The following ABCA13 variants were observed in gnomAD, a reference collection of about 807,000 sequenced individuals.
ABCA13 encodes ATP binding cassette subfamily A member 13.
ABCA13 carries 476 observed loss-of-function variants against 478.7 expected under a neutral mutation model. That is an observed-to-expected ratio of 0.99 (90% confidence interval 0.92 to 1.07). The LOEUF is 1.07. Among genes scored for constraint, ABCA13 ranks in the 50% least tolerant of loss-of-function variants. The probability of loss-of-function intolerance (pLI) is 0.00; values close to 1 mark genes in which losing one functional copy is unlikely to be tolerated. For missense variants in ABCA13, 6,060 were observed against 5,910.6 expected (o/e 1.03, Z -0.83); for synonymous variants, 2,252 against 2,158.9 (o/e 1.04, Z -1.20).
chr7:48,636,806 T>C (rs1794675677), intron 59 of ABCA13, among the ~76,000 whole-genome samples: 1 of 152,182 alleles, frequency 6.6e-6, no homozygotes, highest in Admixed American at 6.5e-5. Flanking sequence ...GCCAGGGTGC[T>C]GTCATTACTC....
intron 45 of ABCA13, among the ~76,000 whole-genome samples, chr7:48,478,411 C>T (rs1828386381): frequency 6.6e-6 from 1 of 151,532 alleles, no homozygotes; most frequent in African/African-American, 2.4e-5. Flanking sequence ...GCCCTTCATC[C>T]TCTGTAAGTT....
chr7:48,389,295 G>A, intron 37 of ABCA13, 75 bp downstream of exon 37: 1 of 1,478,420 alleles, frequency 6.8e-7, no homozygotes, highest in African/African-American at 1.4e-5. Context: ...GAGACAGAAG[G>A]TTTGATTTCT....
chr7:48,562,770 T>C (rs2131272389), intron 55 of ABCA13, among the ~76,000 whole-genome samples: 1 of 152,270 alleles, frequency 6.6e-6, no homozygotes, highest in African/African-American at 2.4e-5. Context: ...ATCCTGAAAC[T>C]GAAAGGCATA....
At chr7:48,338,482 GTTC>G in intron 29 of ABCA13, 27 bp downstream of exon 29, 2 of 1,548,364 alleles carry the variant, frequency 1.3e-6, no homozygotes, top group Admixed American at 1.9e-5. Context: ...GCATGGTAGT[GTTC>G]TTCTGCCCAT....
chr7:48,288,468 C>G (rs766903650), intron 20 of ABCA13, among the ~76,000 whole-genome samples: 3 of 152,194 alleles, frequency 2.0e-5, no homozygotes, highest in Non-Finnish European at 4.4e-5. Context: ...ACTGTTATCT[C>G]TCTTCCTGAG....
At chr7:48,406,435 T>C (rs890826600) in intron 39 of ABCA13, among the ~76,000 whole-genome samples, 41 of 152,198 alleles carry the variant, frequency 2.7e-4, no homozygotes, top group African/African-American at 9.9e-4. Context: ...GTATATACCA[T>C]GTGTGCGCTC....
chr7:48,210,184 C>T (rs1477141271), intron 3 of ABCA13, among the ~76,000 whole-genome samples: 1 of 152,110 alleles, frequency 6.6e-6, no homozygotes, highest in Admixed American at 6.5e-5. Context: ...GAAGGGGAAG[C>T]AAACATGTTC....
At position 48,387,921 on chromosome 7, in the gene ABCA13, C is replaced by G; in HGVS notation, c.11435C>G (p.Ser3812Cys). 5 of 1,611,324 alleles carry G rather than the reference C, an allele frequency of 3.1e-6. No individual in the cohort carries two copies. The highest frequency in any genetic ancestry group is 4.2e-6 in the Non-Finnish European group (5 of 1,178,686). The change falls in exon 36 of 62, where the codon TCT becomes TGT. Residue 3812 changes from serine (S) to cysteine (C), a missense_variant. Around this residue, in one of 3 missense-constraint regions of ABCA13, gnomAD observed 1,627 missense variants for 1,571.0 expected, o/e 1.04. Coordinates refer to ENST00000435803, the MANE Select transcript of ABCA13 (RefSeq NM_152701.5). ...GAGAAAAGGCAATACTTTCTAAGTT[C>G]TAGTCTGTTCTTCTTCAATGAGAAC... The part of the protein sequence containing the change: ...LVEKRQYFLS[S>C]SLFFFNENFD...
chr7:48,520,767 T>G (rs1832491221), intron 53 of ABCA13, among the ~76,000 whole-genome samples: 1 of 152,234 alleles, frequency 6.6e-6, no homozygotes, highest in Non-Finnish European at 1.5e-5. Context: ...GTGTTCTCAT[T>G]GTTCAATTCC....
intron 58 of ABCA13, among the ~76,000 whole-genome samples, chr7:48,599,334 TG>T (rs1196175677): frequency 1.3e-5 from 2 of 152,054 alleles, no homozygotes; most frequent in Non-Finnish European, 2.9e-5. Flanking sequence ...ATTTTAAATT[TG>T]TTATGACTTT....
rs1232842828 is a variant in ABCA13, at chr7:48,278,313, T to G, written c.7119T>G (p.Thr2373=). The part of the protein sequence containing the change: ...QDLFNALLRE[T]SMKNKTENNI... ...TATTTAATGCCCTTCTCAGGGAAAC[T>G]TCAATGAAAAATAAGACTGAAAATA... Residue 2373 remains threonine (T), a synonymous_variant, in exon 18 of 62, where the codon ACT becomes ACG. Transcript: ENST00000435803. 2 of 1,612,728 alleles carry G rather than the reference T, an allele frequency of 1.2e-6. No individual in the cohort carries two copies. Among genetic ancestry groups the G allele is most frequent in the East Asian group, 2.2e-5 (1 of 44,838 alleles).
chr7:48,293,896 A>G (rs989893566), intron 20 of ABCA13, among the ~76,000 whole-genome samples: 13 of 152,288 alleles, frequency 8.5e-5, no homozygotes, highest in Middle Eastern at 3.4e-3. Flanking sequence ...TGTTCCCCAG[A>G]GTCTTAGGAG....
chr7:48,540,222 G>C (rs990977453), intron 55 of ABCA13, among the ~76,000 whole-genome samples: 1 of 152,026 alleles, frequency 6.6e-6, no homozygotes, highest in Non-Finnish European at 1.5e-5. Context: ...ACAAGTACAT[G>C]TAGACAAAAG....
chr7:48,593,256 G>A (rs1789947388), intron 57 of ABCA13, among the ~76,000 whole-genome samples: 1 of 146,596 alleles, frequency 6.8e-6, no homozygotes, highest in South Asian at 2.1e-4. Flanking sequence ...GTGTGTGTGT[G>A]TGTGTATGTG....
At chr7:48,443,041 G>T (rs1216553539) in intron 42 of ABCA13, among the ~76,000 whole-genome samples, 1 of 152,126 alleles carries the variant, frequency 6.6e-6, no homozygotes, top group African/African-American at 2.4e-5. Context: ...AACAGGAAAT[G>T]TACGCATAAA....
intron 38 of ABCA13, among the ~76,000 whole-genome samples, chr7:48,395,252 G>A (rs979432328): frequency 5.3e-5 from 8 of 152,200 alleles, no homozygotes; most frequent in African/African-American, 1.9e-4. Context: ...TGGAGGATGG[G>A]GTGGGCTGGG....
intron 33 of ABCA13, 36 bp downstream of exon 33, chr7:48,372,533 A>AG: frequency 7.5e-7 from 1 of 1,341,278 alleles, no homozygotes. Flanking sequence ...AAAAAAAAAA[A>AG]CAACAAAATT....
chr7:48,310,239 T>C, intron 24 of ABCA13, 98 bp downstream of exon 24: 1 of 1,337,302 alleles, frequency 7.5e-7, no homozygotes, highest in Non-Finnish European at 1.0e-6. Context: ...CAGTGGGAGA[T>C]CAGCACCTGG....
intron 22 of ABCA13, 137 bp from the exon 23 acceptor site, chr7:48,298,229 A>G (rs1799675720): frequency 1.3e-6 from 1 of 755,472 alleles, no homozygotes; most frequent in Non-Finnish European, 2.0e-6. Context: ...GTAAGGTATG[A>G]CTTTATTTAG....
Sources: allele counts gnomAD v4.1 joint callset (sites outside exome capture counted in the v4.1 genomes callset), GRCh38; gene constraint gnomAD v4.1.1; regional missense constraint gnomAD v4.1.1; transcripts MANE v1.5; gene names NCBI Gene and HGNC (gene_info 2026-07-23, HGNC 2026-07-21).